MTF1: variants seen among roughly 807,000 people sequenced by gnomAD.
MTF1 encodes the protein MRE-binding transcription factor.
In MTF1, 22 loss-of-function variants were observed where a neutral mutation model predicts 70.4. The ratio of observed to expected loss-of-function variants is 0.31; its 90% CI spans 0.22 to 0.45. MTF1 has a LOEUF of 0.45. Among genes scored for constraint, MTF1 ranks in the 20% least tolerant of loss-of-function variants. The pLI is 1.00. For synonymous variants in MTF1, 333 were observed against 352.8 expected, an observed-to-expected ratio of 0.94 and a Z score of 0.63; for missense variants, 649 against 922.0, an observed-to-expected ratio of 0.70 and a Z score of 3.83.
At chr1:37,839,397 A>G (rs959164005) in intron 3 of MTF1, among the ~76,000 whole-genome samples, 1 of 152,170 alleles carries the variant, frequency 6.6e-6, no homozygotes, top group Non-Finnish European at 1.5e-5. Context: ...AATCATGCCT[A>G]GCACACAGTG....
At chr1:37,836,526 T>C (rs1319851185) in intron 4 of MTF1, among the ~76,000 whole-genome samples, 1 of 152,210 alleles carries the variant, frequency 6.6e-6, no homozygotes, top group Non-Finnish European at 1.5e-5. Context: ...ACTGTCTTGA[T>C]AACCAAAGCT....
intron 3 of MTF1, 90 bp from the exon 4 acceptor site, chr1:37,838,846 C>T: frequency 9.6e-7 from 1 of 1,046,352 alleles, no homozygotes; most frequent in Non-Finnish European, 1.2e-6. Flanking sequence ...CTCTTGTCGC[C>T]CAGGCTGGAG....
Position 37,810,785 on chromosome 1 carries a change from G to A in MTF1, c.*4351C>T, listed in dbSNP as rs926389694. On this transcript the variant is annotated 3_prime_UTR_variant, in exon 11 of 11. Coordinates refer to ENST00000373036, the MANE Select transcript of MTF1 (RefSeq NM_005955.3). Reference sequence around the variant, plus strand: ...GAATTGAAGATAAAATGGGGGAGGTGGAGTAAAGGAAGAAAGTTGATAATG... The same window carrying A: ...GAATTGAAGATAAAATGGGGGAGGTAGAGTAAAGGAAGAAAGTTGATAATG... The A allele has an allele frequency of 3.3e-5, 5 of 152,184 alleles. No individual in the cohort carries two copies. The highest frequency in any genetic ancestry group is 7.2e-5 in the African/African-American group (3 of 41,442). 9.4% of individuals were successfully genotyped at this position (152,184 alleles called of 1,614,324 possible). A position where few individuals can be genotyped will look rare whatever the true frequency, so the allele number is the denominator to read the frequency against.
At chr1:37,819,179 C>CT (rs1239088253) in intron 9 of MTF1, among the ~76,000 whole-genome samples, 1 of 152,128 alleles carries the variant, frequency 6.6e-6, no homozygotes, top group Non-Finnish European at 1.5e-5. Context: ...AATGTATTTT[C>CT]TTTATCAATT....
intron 6 of MTF1, chr1:37,834,542 T>C: frequency 2.8e-6 from 1 of 362,778 alleles, no homozygotes; most frequent in South Asian, 2.2e-5. Flanking sequence ...ATCTGCTTTA[T>C]GGTTCAGAAA....
Position 37,815,788 on chromosome 1 carries a change from T to A in MTF1, c.1832-222A>T, listed in dbSNP as rs1640810791. On this transcript the variant is annotated intron_variant, in intron 10 of 10. Coordinates refer to ENST00000373036, the MANE Select transcript of MTF1 (RefSeq NM_005955.3). The surrounding 1 kb of genome is among the most constrained non-coding windows in gnomAD (Gnocchi z 4.5). ...GACAAAGTCCCGTTTCCTTAGAAAGTCACACACACGATCTAGATGCACCCT... is the reference window on the plus strand; with the variant it reads ...GACAAAGTCCCGTTTCCTTAGAAAGACACACACACGATCTAGATGCACCCT... Among the ~76,000 whole-genome samples, 1 of 152,124 alleles carries A rather than the reference T, an allele frequency of 6.6e-6. No homozygotes were observed.
Position 37,813,663 on chromosome 1 carries a change from G to C in MTF1, c.*1473C>G, listed in dbSNP as rs555200790. On this transcript the variant is annotated 3_prime_UTR_variant, in exon 11 of 11. Coordinates refer to ENST00000373036, the MANE Select transcript of MTF1 (RefSeq NM_005955.3). ...CTCAGGGCAAGGAAAGGGCTCTTGGGAGGCAGAGGCCTATTCTGCACCTCA... is the reference window on the plus strand; with the variant it reads ...CTCAGGGCAAGGAAAGGGCTCTTGGCAGGCAGAGGCCTATTCTGCACCTCA... 6.6e-6 allele frequency: 1 copy of C among 152,306 alleles called. No individual in the cohort carries two copies. The highest frequency in any genetic ancestry group is 1.5e-5 in the Non-Finnish European group (1 of 68,080). The allele number at this position is 152,306 out of a possible 1,614,324, so 9.4% of individuals were successfully genotyped here.
At chr1:37,856,417 G>A (rs781121772) in intron 2 of MTF1, among the ~76,000 whole-genome samples, 26 of 150,532 alleles carry the variant, frequency 1.7e-4, no homozygotes, top group Admixed American at 4.0e-4. Flanking sequence ...TGATCCACCT[G>A]CCTCGGCCTC....
At chr1:37,838,819 T>TTTTTTTTTTTTC in intron 3 of MTF1, 63 bp from the exon 4 acceptor site, 1 of 1,185,150 alleles carries the variant, frequency 8.4e-7, no homozygotes, top group Non-Finnish European at 1.1e-6. Context: ...TTTTTTTTTT[T>TTTTTTTTTTTTC]CTGAGACAGA....
Position 37,844,365 on chromosome 1 carries a change from G to T in MTF1, c.409-4207C>A, listed in dbSNP as rs569248158. Among the ~76,000 whole-genome samples the T allele has an allele frequency of 2.0e-5, 3 of 152,070 alleles. No homozygotes were observed. The East Asian group carries it at 5.8e-4, about 29-fold the overall frequency. The stretch of plus-strand genomic sequence containing the variant: ...TTCTGAGTCCTTCTCTTCCTTTAAC[G>T]CGAGCCTCAGGAACTACACGCTCCT... On this transcript the variant is annotated intron_variant, in intron 2 of 10. Transcript: ENST00000373036.
chr1:37,823,797 G>A lies in MTF1; in HGVS notation c.1084C>T (p.Leu362Phe). ...ATGATTGCTGGTGAAATTGTGCTGA[G>A]GTCCTGGCCCTGGGTCTGATGGAGA... ...ENSSTTQGQD[L>F]STISPAIIFE... Residue 362 changes from leucine to phenylalanine, a missense_variant, in exon 8 of 11, where the codon CTC becomes TTC. Leu to Phe is a conservative substitution (Grantham distance 22). This residue lies in a region of MTF1 where 267 missense variants were observed against 292.1 expected (regional missense o/e 0.91). Transcript: ENST00000373036. 6.2e-7 allele frequency: 1 copy of A among 1,613,964 alleles called. No homozygotes were observed. The highest frequency in any genetic ancestry group is 1.7e-5 in the Admixed American group (1 of 59,998).
intron 6 of MTF1, among the ~76,000 whole-genome samples, chr1:37,834,415 C>T (rs1004045249): frequency 1.5e-3 from 4 of 2,600 alleles, no homozygotes; most frequent in Non-Finnish European, 2.2e-3. Flanking sequence ...GTGGGGGCGG[C>T]GGGGGTGGGG....
chr1:37,826,264 G>T (rs1282629427), intron 7 of MTF1, among the ~76,000 whole-genome samples: 1 of 152,084 alleles, frequency 6.6e-6, no homozygotes, highest in East Asian at 1.9e-4. Context: ...TTGCCCACTG[G>T]AGCCAAAAGG....
rs1422764604 is a variant in MTF1 at position 37,809,630 on chromosome 1, C to CA, written c.*5505dup. ...GTATTTAATATTGCTTTTTCAATTC[C>CA]AAAAAGTTAAATTTTCACTTTTTAG... On this transcript the variant is annotated 3_prime_UTR_variant, in exon 11 of 11. Coordinates refer to ENST00000373036, the MANE Select transcript of MTF1 (RefSeq NM_005955.3). 2.0e-5 allele frequency: 3 copies of CA among 153,214 alleles called. No individual in the cohort carries two copies. Among genetic ancestry groups the CA allele is most frequent in the East Asian group, 3.9e-4 (2 of 5,182 alleles). The allele number at this position is 153,214 out of a possible 1,614,324, so 9.5% of individuals were successfully genotyped here.
chr1:37,849,707 T>C (rs1431411878), intron 2 of MTF1, among the ~76,000 whole-genome samples: 2 of 152,072 alleles, frequency 1.3e-5, no homozygotes, highest in African/African-American at 4.8e-5. Context: ...GATTCAAGAA[T>C]GGACTGCACA....
chr1:37,836,035 T>C (rs1262039275), intron 4 of MTF1, among the ~76,000 whole-genome samples: 1 of 152,036 alleles, frequency 6.6e-6, no homozygotes, highest in Non-Finnish European at 1.5e-5. Context: ...CTCCTGACCT[T>C]GTGATCCGCC....
At chr1:37,836,906 T>C (rs532863108) in intron 4 of MTF1, among the ~76,000 whole-genome samples, 9 of 143,374 alleles carry the variant, frequency 6.3e-5, no homozygotes, top group South Asian at 4.4e-4. Flanking sequence ...TGTGACTGGA[T>C]AGAAATCAGA....
intron 7 of MTF1, among the ~76,000 whole-genome samples, chr1:37,825,380 T>TA (rs1640987942): frequency 6.6e-6 from 1 of 151,952 alleles, no homozygotes; most frequent in Non-Finnish European, 1.5e-5. Context: ...GGACCACAGG[T>TA]ATGGGCCACC....
chr1:37,815,243 C>G lies in MTF1; in HGVS notation c.2155G>C (p.Glu719Gln). The G allele has an allele frequency of 6.2e-7, 1 of 1,614,098 alleles. No homozygotes were observed. The highest frequency in any genetic ancestry group is 8.5e-7 in the Non-Finnish European group (1 of 1,180,026). Residue 719 changes from glutamate to glutamine, a missense_variant, in exon 11 of 11, where the codon GAG becomes CAG. By Grantham distance (29) the Glu-to-Gln change is conservative. Coordinates refer to ENST00000373036, the MANE Select transcript of MTF1 (RefSeq NM_005955.3). The surrounding 1 kb of genome is among the most constrained non-coding windows in gnomAD (Gnocchi z 4.5). ...TETLSAMDVSEFLSLQSLDTP... is the reference protein window; with the variant it reads ...TETLSAMDVSQFLSLQSLDTP... ...TCCAGGCTCTGGAGGGATAGAAACT[C>G]TGACACATCCATGGCACTTAATGTT...
Sources: gnomAD v4.1 joint callset for allele counts (sites outside exome capture counted in the v4.1 genomes callset) on GRCh38, gnomAD v4.1.1 for gene constraint, gnomAD v4.1.1 regional missense constraint, Gnocchi (gnomAD v3.1) non-coding constraint, MANE v1.5 for transcripts, NCBI Gene and HGNC (gene_info 2026-07-23, HGNC 2026-07-21) for gene names.